PPARD: variants seen among roughly 807,000 people sequenced by gnomAD.
PPARD encodes peroxisome proliferator-activated receptor delta.
PPARD carries 6 observed loss-of-function variants against 39.5 expected under a neutral mutation model. That is an observed-to-expected ratio of 0.15 (90% CI 0.08 to 0.30). The LOEUF is 0.30. Among genes scored for constraint, PPARD ranks in the 10% least tolerant of loss-of-function variants. The pLI, the probability that PPARD is intolerant of heterozygous loss-of-function variation, is 1.00. For synonymous variants in PPARD, 210 were observed against 231.3 expected (o/e 0.91, Z 0.83); for missense variants, 397 against 596.8 (o/e 0.67, Z 3.49).
chr6:35,394,424 T>TA, intron 2 of PPARD, among the ~76,000 whole-genome samples: 1 of 152,252 alleles, frequency 6.6e-6, no homozygotes, highest in South Asian at 2.1e-4. Context: ...AACCTTTTTT[T>TA]AAAAAACTTG....
At chr6:35,382,979 C>T (rs1763237252) in intron 2 of PPARD, among the ~76,000 whole-genome samples, 2 of 152,188 alleles carry the variant, frequency 1.3e-5, no homozygotes, top group Admixed American at 1.3e-4. Flanking sequence ...AGCGACTGCA[C>T]CCGTATCAGA....
intron 2 of PPARD, among the ~76,000 whole-genome samples, chr6:35,398,978 G>T (rs1764515881): frequency 6.6e-6 from 1 of 152,066 alleles, no homozygotes; most frequent in African/African-American, 2.4e-5. Flanking sequence ...AGCCGGGCGT[G>T]GTGACGCATG....
At chr6:35,420,000 A>G in intron 3 of PPARD, 127 bp from the exon 4 acceptor site, 1 of 1,157,248 alleles carries the variant, frequency 8.6e-7, no homozygotes, top group African/African-American at 1.6e-5. Flanking sequence ...ACTGGTCCTC[A>G]GAAAGGTTGA....
rs766251940 is a variant in PPARD, at chr6:35,398,726, G to A, written c.-101-12261G>A. ...GGAGGAAGCCAAATGAAGAGAAGGC[G>A]TAGAGGAGGAGGGATCGAGCAGTCA... On this transcript the variant is annotated intron_variant, in intron 2 of 7. Transcript: ENST00000360694. 1.2e-4 allele frequency among the ~76,000 whole-genome samples: 19 copies of A among 152,204 alleles called. 2 individuals are homozygous for A. Among genetic ancestry groups the A allele is most frequent in the South Asian group, 1.0e-3 (5 of 4,832 alleles).
At chr6:35,354,876 G>C (rs548121465) in intron 2 of PPARD, among the ~76,000 whole-genome samples, 1 of 152,202 alleles carries the variant, frequency 6.6e-6, no homozygotes, top group Admixed American at 6.5e-5. Context: ...GAAGAGGCCT[G>C]AGTGGATTTT....
intron 2 of PPARD, among the ~76,000 whole-genome samples, chr6:35,354,660 A>G (rs1761466427): frequency 6.6e-6 from 1 of 152,158 alleles, no homozygotes; most frequent in Non-Finnish European, 1.5e-5. Context: ...GAGATATTCA[A>G]AATTGTAACA....
At chr6:35,356,314 T>G (rs1053827485) in intron 2 of PPARD, among the ~76,000 whole-genome samples, 5 of 152,142 alleles carry the variant, frequency 3.3e-5, no homozygotes, top group African/African-American at 1.2e-4. Context: ...ACCAGTCCAG[T>G]GGAAGTACAA....
chr6:35,397,341 C>T (rs368365438), intron 2 of PPARD, among the ~76,000 whole-genome samples: 2 of 152,096 alleles, frequency 1.3e-5, no homozygotes, highest in Non-Finnish European at 2.9e-5. Context: ...CCCCCCCTCC[C>T]GCAACCACCA....
At chr6:35,382,266 G>A (rs949065066) in intron 2 of PPARD, among the ~76,000 whole-genome samples, 2 of 152,152 alleles carry the variant, frequency 1.3e-5, no homozygotes, top group Non-Finnish European at 1.5e-5. Context: ...TGGACATGCC[G>A]TGGCACTGCC....
In PPARD at chr6:35,366,260, C is replaced by G. The variant is rs1235289030; in HGVS notation, c.-102+19110C>G. Among the ~76,000 whole-genome samples the G allele has an allele frequency of 6.6e-6, 1 of 151,688 alleles. No homozygotes were observed. Among genetic ancestry groups the G allele is most frequent in the Non-Finnish European group, 1.5e-5 (1 of 68,044 alleles). On this transcript the variant is annotated intron_variant, in intron 2 of 7. Transcript: ENST00000360694. This position sits in a 1 kb window ranked among gnomAD's most constrained non-coding sequence, Gnocchi z 4.6. ...GTTGCCAGCCATTTTAGAAGGCTGA[C>G]TCTAATAGCAAGTTGCAGTAAGGAT...
At chr6:35,365,495 CTTCTT>C (rs1762165299) in intron 2 of PPARD, among the ~76,000 whole-genome samples, 1 of 120,892 alleles carries the variant, frequency 8.3e-6, no homozygotes, top group South Asian at 2.4e-4. Flanking sequence ...GTGCCAGTCT[CTTCTT>C]TTTTTTTTTT....
Position 35,347,048 on chromosome 6 carries a change from G to A in PPARD, c.-185-19G>A, listed in dbSNP as rs1297151000. ...GGCACCTGTCAGCTAAAGCTGTTGGGGTTTTTTCTATCCTGCAGTGTTGTA... is the reference window on the plus strand; with the variant it reads ...GGCACCTGTCAGCTAAAGCTGTTGGAGTTTTTTCTATCCTGCAGTGTTGTA... On this transcript the variant is annotated intron_variant, in intron 1 of 7. Transcript: ENST00000360694. 15 of 1,485,222 alleles carry A rather than the reference G, an allele frequency of 1.0e-5. No homozygotes were observed. The highest frequency in any genetic ancestry group is 1.4e-5 in the African/African-American group (1 of 71,538). 92.0% of individuals were successfully genotyped at this position (1,485,222 alleles called of 1,614,324 possible).
At chr6:35,372,339 G>A (rs932181687) in intron 2 of PPARD, among the ~76,000 whole-genome samples, 4 of 152,090 alleles carry the variant, frequency 2.6e-5, no homozygotes, top group East Asian at 1.9e-4. Flanking sequence ...CACCATGCCC[G>A]GCAAGTTTTT....
intron 2 of PPARD, among the ~76,000 whole-genome samples, chr6:35,400,878 A>G (rs1238321401): frequency 6.6e-6 from 1 of 151,806 alleles, no homozygotes; most frequent in African/African-American, 2.4e-5. Flanking sequence ...AGGGCTGTTG[A>G]CCTATGGTTG....
At chr6:35,350,621 T>C (rs1415673378) in intron 2 of PPARD, among the ~76,000 whole-genome samples, 2 of 142,028 alleles carry the variant, frequency 1.4e-5, no homozygotes, top group South Asian at 4.6e-4. Context: ...TCTTTTTTTT[T>C]TTTTTTTTTT....
intron 2 of PPARD, among the ~76,000 whole-genome samples, chr6:35,355,598 C>CTTCT (rs1761550444): frequency 6.0e-5 from 2 of 33,462 alleles, no homozygotes; most frequent in African/African-American, 3.8e-4. Flanking sequence ...TCTTCTTCTT[C>CTTCT]TTTTTTTTTT....
intron 2 of PPARD, among the ~76,000 whole-genome samples, chr6:35,400,819 A>G (rs1764653953): frequency 6.6e-6 from 1 of 151,920 alleles, no homozygotes; most frequent in African/African-American, 2.4e-5. Context: ...AAGAAAAGAA[A>G]AAGGTATAAG....
chr6:35,389,598 C>T (rs1465443922), intron 2 of PPARD, among the ~76,000 whole-genome samples: 1 of 151,860 alleles, frequency 6.6e-6, no homozygotes, highest in Non-Finnish European at 1.5e-5. Flanking sequence ...CAGGCGTGAG[C>T]CACCGCGCCC....
At chr6:35,355,713 G>A (rs1394522124) in intron 2 of PPARD, among the ~76,000 whole-genome samples, 12 of 136,384 alleles carry the variant, frequency 8.8e-5, no homozygotes, top group Admixed American at 6.4e-4. Context: ...CCAGGTTCGC[G>A]CCGTTCTCCT....
Sources: gnomAD v4.1 joint callset for allele counts (sites outside exome capture counted in the v4.1 genomes callset) on GRCh38, gnomAD v4.1.1 for gene constraint, Gnocchi (gnomAD v3.1) non-coding constraint, MANE v1.5 for transcripts, NCBI Gene and HGNC (gene_info 2026-07-23, HGNC 2026-07-21) for gene names.